HFM1: variants seen among roughly 807,000 people sequenced by gnomAD.
HFM1 encodes the protein probable ATP-dependent DNA helicase HFM1.
In HFM1, 169 loss-of-function variants were observed where a neutral mutation model predicts 192.1. The observed-to-expected ratio is 0.88, with a 90% CI of 0.78 to 1.00. The LOEUF is 1.00. Ranked by LOEUF, HFM1 falls within the 50% of genes least tolerant of loss-of-function variation. HFM1 has a pLI of 0.00. For synonymous variants in HFM1, 525 were observed against 537.8 expected, an observed-to-expected ratio of 0.98 and a Z score of 0.33; for missense variants, 1,661 against 1,668.0, an observed-to-expected ratio of 1.00 and a Z score of 0.07.
At chr1:91,349,142 A>G (rs1169471593) in intron 18 of HFM1, among the ~76,000 whole-genome samples, 1 of 152,104 alleles carries the variant, frequency 6.6e-6, no homozygotes, top group Non-Finnish European at 1.5e-5. Flanking sequence ...AGAAAAAATT[A>G]GCCAGGTGTG....
chr1:91,351,316 T>C lies in HFM1; in HGVS notation c.2072+233A>G, dbSNP rs187647946. On this transcript the variant is annotated intron_variant, in intron 17 of 38. Transcript: ENST00000370425. ...AGGCTTTATTACAAATTAGGGTTTG[T>C]TATAAACAAGAATACATGCTTGCCA... Among the ~76,000 whole-genome samples, 48 of 152,020 alleles carry C rather than the reference T, an allele frequency of 3.2e-4. No individual in the cohort carries two copies. The East Asian group carries it at 8.7e-3, about 27-fold the overall frequency.
intron 30 of HFM1, among the ~76,000 whole-genome samples, chr1:91,277,470 C>G (rs1304350634): frequency 6.8e-6 from 1 of 147,912 alleles, no homozygotes; most frequent in Non-Finnish European, 1.5e-5. Context: ...AAGCTTCTCT[C>G]AACCTCCCTG....
At chr1:91,297,865 ACT>A (rs1290994218) in intron 30 of HFM1, among the ~76,000 whole-genome samples, 3 of 152,182 alleles carry the variant, frequency 2.0e-5, no homozygotes. Context: ...AAAACTGGAA[ACT>A]CTAAAATTCA....
intron 30 of HFM1, among the ~76,000 whole-genome samples, chr1:91,279,921 A>T: frequency 6.6e-6 from 1 of 152,212 alleles, no homozygotes; most frequent in Non-Finnish European, 1.5e-5. Context: ...AATAGAAAAA[A>T]AATGAGCTCT....
chr1:91,375,493 A>C (rs1172735803), intron 12 of HFM1, 34 bp downstream of exon 12: 3 of 1,609,818 alleles, frequency 1.9e-6, no homozygotes, highest in Non-Finnish European at 1.7e-6. Flanking sequence ...TAAAAACTGA[A>C]TATACTAAAA....
chr1:91,329,882 C>T (rs1416607495), intron 20 of HFM1, among the ~76,000 whole-genome samples: 3 of 152,104 alleles, frequency 2.0e-5, no homozygotes, highest in African/African-American at 7.2e-5. Context: ...CCTGGCTGGC[C>T]AACTGGTGGC....
At chr1:91,345,787 G>A (rs746711698) in intron 19 of HFM1, among the ~76,000 whole-genome samples, 2 of 152,064 alleles carry the variant, frequency 1.3e-5, no homozygotes, top group African/African-American at 4.8e-5. Context: ...TCATACCCAC[G>A]GAATGGTCCT....
At position 91,364,790 on chromosome 1, in the gene HFM1, C is replaced by T. The variant is rs1193911748; in HGVS notation, c.1685+10568G>A. On this transcript the variant is annotated intron_variant, in intron 13 of 38. Transcript: ENST00000370425. ...CTGGGACTACAGGCACCAGCCACCACGCCCGGCTAATTTTTTGTATTTTTA... is the reference window on the plus strand; with the variant it reads ...CTGGGACTACAGGCACCAGCCACCATGCCCGGCTAATTTTTTGTATTTTTA... Among the ~76,000 whole-genome samples the T allele has an allele frequency of 2.6e-5, 4 of 151,410 alleles. 1 individual carries two copies. The highest frequency in any genetic ancestry group is 4.8e-5 in the African/African-American group (2 of 41,316).
At chr1:91,359,942 C>T (rs948117891) in intron 13 of HFM1, among the ~76,000 whole-genome samples, 5 of 152,100 alleles carry the variant, frequency 3.3e-5, no homozygotes, top group African/African-American at 1.2e-4. Flanking sequence ...ACCTACAAGC[C>T]AGAAGAGACT....
chr1:91,325,676 G>A (rs1251603551), intron 20 of HFM1, among the ~76,000 whole-genome samples: 1 of 152,114 alleles, frequency 6.6e-6, no homozygotes, highest in African/African-American at 2.4e-5. Flanking sequence ...AGACTGTGAA[G>A]ACTAGAATAA....
Position 91,319,357 on chromosome 1 carries a change from T to C in HFM1, c.2616A>G (p.Ile872Met), listed in dbSNP as rs1454257848. 5 of 1,612,814 alleles carry C rather than the reference T, an allele frequency of 3.1e-6. No homozygotes were observed. The highest frequency in any genetic ancestry group is 4.2e-6 in the Non-Finnish European group (5 of 1,178,868). Residue 872 changes from isoleucine to methionine, a missense_variant, in exon 24 of 39, where the codon ATA (isoleucine) becomes ATG (methionine). Ile to Met is a conservative substitution (Grantham distance 10). Transcript: ENST00000370425. ...LIQAQLGCIP[I>M]QDFALTQDTA... ...TATCTTGTGTCAAAGCAAAATCTTG[T>C]ATGGGAATGCATCCTAGTTGAGCCT...
At chr1:91,320,118 A>G in intron 23 of HFM1, among the ~76,000 whole-genome samples, 1 of 152,184 alleles carries the variant, frequency 6.6e-6, no homozygotes, top group East Asian at 1.9e-4. Context: ...TACTGTACTT[A>G]TTATTACTCT....
rs1323773987 is a variant in HFM1 at position 91,352,598 on chromosome 1, T to C, written c.1885A>G (p.Ile629Val). The C allele has an allele frequency of 6.2e-7, 1 of 1,609,054 alleles. No homozygotes were observed. The highest frequency in any genetic ancestry group is 8.5e-7 in the Non-Finnish European group (1 of 1,176,706). Reference sequence around the variant, plus strand: ...CCAGCATAATGCATTGTAGATTTTATAACTACTAGGTGAGCAGGCAAATTT... The same window carrying C: ...CCAGCATAATGCATTGTAGATTTTACAACTACTAGGTGAGCAGGCAAATTT... Reference protein sequence around the residue: ...GVNLPAHLVVIKSTMHYAGGL... With the variant: ...GVNLPAHLVVVKSTMHYAGGL... Residue 629 changes from isoleucine to valine, a missense_variant, in exon 16 of 39, where the codon ATA becomes GTA. By Grantham distance (29) the Ile-to-Val change is conservative (BLOSUM62 3). Coordinates refer to ENST00000370425, the MANE Select transcript of HFM1 (RefSeq NM_001017975.6).
chr1:91,400,586 A>T (rs1040362897), intron 2 of HFM1, among the ~76,000 whole-genome samples: 1 of 151,952 alleles, frequency 6.6e-6, no homozygotes, highest in African/African-American at 2.4e-5. Flanking sequence ...GCTTCAAGCA[A>T]TTCTCATGCC....
At chr1:91,294,244 A>G (rs1669136484) in intron 30 of HFM1, among the ~76,000 whole-genome samples, 2 of 152,094 alleles carry the variant, frequency 1.3e-5, no homozygotes, top group African/African-American at 4.8e-5. Context: ...ATAATGCCAA[A>G]GAAGGAAAAA....
chr1:91,407,208 G>T (rs1385979752), upstream of HFM1, among the ~76,000 whole-genome samples: 3 of 152,158 alleles, frequency 2.0e-5, no homozygotes, highest in South Asian at 2.1e-4. Context: ...GGCCCGTTGG[G>T]GGGTGAGGGG....
In HFM1 at chr1:91,272,224, C is replaced by T. The variant is rs1483042399; in HGVS notation, c.3772+1488G>A. Among the ~76,000 whole-genome samples the T allele has an allele frequency of 3.3e-5, 5 of 152,124 alleles. No homozygotes were observed. In the East Asian group the frequency reaches 9.6e-4, roughly 29 times the overall value. On this transcript the variant is annotated intron_variant, in intron 34 of 38. Transcript: ENST00000370425. ...CTTTACATGCATTATCTCATTTAAT[C>T]CTAAAACCCCTAAAATATAACCAGA...
chr1:91,400,631 G>A lies in HFM1; in HGVS notation c.71+381C>T, dbSNP rs529235179. ...CAAGTAGCTGGGATTAGAGGCATGC[G>A]CCACCAGGCCTGGCTAATTTTTTTG... On this transcript the variant is annotated intron_variant, in intron 2 of 38. Coordinates refer to ENST00000370425, the MANE Select transcript of HFM1 (RefSeq NM_001017975.6). 7.2e-5 allele frequency among the ~76,000 whole-genome samples: 11 copies of A among 152,150 alleles called. No homozygotes were observed. The South Asian group carries it at 1.5e-3, about 20-fold the overall frequency.
intron 36 of HFM1, 102 bp downstream of exon 36, chr1:91,265,915 C>T: frequency 6.7e-7 from 1 of 1,485,280 alleles, no homozygotes; most frequent in South Asian, 1.3e-5. Flanking sequence ...TGGCTAATAC[C>T]TTTTAGCATC....
Sources: allele counts gnomAD v4.1 joint callset (sites outside exome capture counted in the v4.1 genomes callset), GRCh38; gene constraint gnomAD v4.1.1; transcripts MANE v1.5; gene names NCBI Gene and HGNC (gene_info 2026-07-23, HGNC 2026-07-21).